RAPGEF2: variants seen among roughly 807,000 people sequenced by gnomAD.
RAPGEF2 encodes the protein Rap guanine nucleotide exchange factor 2.
A neutral mutation model predicts 186.7 loss-of-function variants in RAPGEF2; 54 were observed. That is an observed-to-expected ratio of 0.29 (90% CI 0.23 to 0.36). RAPGEF2 has a LOEUF of 0.36. Among genes scored for constraint, RAPGEF2 ranks in the 10% least tolerant of loss-of-function variants. The probability of loss-of-function intolerance (pLI) is 1.00; values close to 1 mark genes in which losing one functional copy is unlikely to be tolerated. For missense variants in RAPGEF2, 1,532 were observed against 2,045.0 expected (o/e 0.75, Z 4.84); for synonymous variants, 712 against 705.9 (o/e 1.01, Z -0.14).
chr4:159,293,967 A>T (rs1004387813), intron 7 of RAPGEF2, among the ~76,000 whole-genome samples: 1 of 152,178 alleles, frequency 6.6e-6, no homozygotes, highest in East Asian at 1.9e-4. Flanking sequence ...TTTGAACTCA[A>T]TTGGCACTTA....
At chr4:159,279,168 C>T (rs1759343571) in intron 7 of RAPGEF2, among the ~76,000 whole-genome samples, 1 of 152,180 alleles carries the variant, frequency 6.6e-6, no homozygotes, top group Non-Finnish European at 1.5e-5. Context: ...CTCATTGAAT[C>T]CTCACAATAA....
intron 3 of RAPGEF2, among the ~76,000 whole-genome samples, chr4:159,209,136 C>G (rs1237786628): frequency 6.6e-6 from 1 of 150,812 alleles, no homozygotes; most frequent in Non-Finnish European, 1.5e-5. Context: ...AGGTGATCCG[C>G]CTGCCTGAGC....
At chr4:159,307,129 ACT>A (rs1763396284) in intron 8 of RAPGEF2, among the ~76,000 whole-genome samples, 1 of 152,096 alleles carries the variant, frequency 6.6e-6, no homozygotes, top group South Asian at 2.1e-4. Context: ...ACAAAGAATA[ACT>A]CTTGGCTTAT....
chr4:159,346,505 C>T (rs934539717), intron 24 of RAPGEF2, among the ~76,000 whole-genome samples: 3 of 152,000 alleles, frequency 2.0e-5, no homozygotes, highest in African/African-American at 7.3e-5. Flanking sequence ...ATTGAACTAC[C>T]CACATTTTTC....
chr4:159,332,082 T>C, intron 16 of RAPGEF2, 48 bp downstream of exon 16: 1 of 1,271,240 alleles, frequency 7.9e-7, no homozygotes, highest in Non-Finnish European at 1.1e-6. Context: ...GCCTTGTTTT[T>C]TAGTATTTCA....
intron 4 of RAPGEF2, among the ~76,000 whole-genome samples, chr4:159,214,458 A>G (rs1750818019): frequency 1.3e-5 from 2 of 152,170 alleles, no homozygotes; most frequent in South Asian, 4.1e-4. Context: ...CCTTTGCTTT[A>G]TGCTATTGTA....
At chr4:159,195,875 GTTTTTTTT>G (rs34827512) in intron 3 of RAPGEF2, among the ~76,000 whole-genome samples, 2,905 of 94,226 alleles carry the variant, frequency 0.031, 49 homozygotes, top group Middle Eastern at 0.12. Flanking sequence ...AAACATACCT[GTTTTTTTT>G]TTTTTTTTTT....
intron 1 of RAPGEF2, among the ~76,000 whole-genome samples, chr4:159,136,161 T>C (rs1042352284): frequency 4.6e-5 from 7 of 152,218 alleles, no homozygotes; most frequent in Admixed American, 3.9e-4. Flanking sequence ...TTAAAAAATA[T>C]GGTTGTTTTT....
intron 19 of RAPGEF2, among the ~76,000 whole-genome samples, chr4:159,340,667 C>CCACA (rs3071283): frequency 0.1 from 7,995 of 76,830 alleles, 1,429 homozygotes; most frequent in African/African-American, 0.15. Flanking sequence ...ACCACCATCA[C>CCACA]CACACACACA....
intron 7 of RAPGEF2, among the ~76,000 whole-genome samples, chr4:159,276,878 A>G (rs906499457): frequency 6.6e-6 from 1 of 152,202 alleles, no homozygotes; most frequent in East Asian, 1.9e-4. Flanking sequence ...TAACTTTAAA[A>G]TGTCTTCTAG....
rs772833330 is a variant in RAPGEF2, at chr4:159,319,564, T to TATAGC, written c.854-2778_854-2774dup. On this transcript the variant is annotated intron_variant, in intron 9 of 29. Coordinates refer to ENST00000691494, the MANE Select transcript of RAPGEF2 (RefSeq NM_001394067.2). Reference sequence around the variant, plus strand: ...AAATTGCTCCAATCATCTAGTATAATATAGCATAGAAATTATCTAAAAACC... The same window carrying TATAGC: ...AAATTGCTCCAATCATCTAGTATAATATAGCATAGCATAGAAATTATCTAAAAACC... 2.6e-5 allele frequency among the ~76,000 whole-genome samples: 4 copies of TATAGC among 152,122 alleles called. No homozygotes were observed. The East Asian group carries it at 7.7e-4, about 29-fold the overall frequency.
chr4:159,338,199 C>T (rs1767739675), intron 17 of RAPGEF2, 112 bp from the exon 18 acceptor site: 2 of 912,338 alleles, frequency 2.2e-6, no homozygotes, highest in East Asian at 5.5e-5. Flanking sequence ...GGTGTTTTTA[C>T]ATGAGCTGCA....
chr4:159,264,458 T>C (rs940018413), intron 7 of RAPGEF2, among the ~76,000 whole-genome samples: 6 of 152,208 alleles, frequency 3.9e-5, no homozygotes, highest in African/African-American at 1.4e-4. Context: ...GGGGGTAATT[T>C]GACTTAACCT....
intron 3 of RAPGEF2, 114 bp downstream of exon 3, chr4:159,193,370 T>C (rs1371194213): frequency 4.2e-6 from 2 of 476,952 alleles, no homozygotes; most frequent in Non-Finnish European, 7.0e-6. Context: ...TTATTTTTCT[T>C]AGTTGAGAAA....
At chr4:159,131,099 AG>A (rs1560994240) in intron 1 of RAPGEF2, among the ~76,000 whole-genome samples, 24 of 5,612 alleles carry the variant, frequency 4.3e-3, no homozygotes, top group African/African-American at 0.036. Flanking sequence ...TGTGTGTGTG[AG>A]AGAGAGAGAG....
chr4:159,218,337 T>A (rs138925880), intron 4 of RAPGEF2, among the ~76,000 whole-genome samples: 174 of 152,346 alleles, frequency 1.1e-3, no homozygotes, highest in Non-Finnish European at 1.9e-3. Context: ...TCATTGAGTT[T>A]TACAAGTAAT....
intron 11 of RAPGEF2, chr4:159,326,863 A>G (rs1766002133): frequency 6.6e-6 from 1 of 152,120 alleles, no homozygotes. Context: ...TAGGCCTGCC[A>G]GTGACACCCA....
intron 4 of RAPGEF2, among the ~76,000 whole-genome samples, chr4:159,215,393 G>T (rs552442754): frequency 5.2e-5 from 7 of 135,562 alleles, no homozygotes; most frequent in Admixed American, 3.7e-4. Flanking sequence ...GCACAGGCTG[G>T]TCTCAAACTC....
At chr4:159,251,919 C>G (rs1256404440) in intron 7 of RAPGEF2, among the ~76,000 whole-genome samples, 1 of 151,974 alleles carries the variant, frequency 6.6e-6, no homozygotes, top group Non-Finnish European at 1.5e-5. Flanking sequence ...CGCTTTGGGT[C>G]TGCCACGTCT....
Sources: allele counts gnomAD v4.1 joint callset (sites outside exome capture counted in the v4.1 genomes callset), GRCh38; gene constraint gnomAD v4.1.1; transcripts MANE v1.5; gene names NCBI Gene and HGNC (gene_info 2026-07-23, HGNC 2026-07-21).